Variants in NCK2 observed in about 807,000 individuals in gnomAD.
NCK2 encodes the protein NCK adaptor protein 2.
In NCK2, 16 loss-of-function variants were observed where a neutral mutation model predicts 33.9. The ratio of observed to expected loss-of-function variants is 0.47; its 90% CI spans 0.32 to 0.72. The LOEUF (loss-of-function observed/expected upper bound fraction) is 0.72. Among genes scored for constraint, NCK2 ranks in the 30% least tolerant of loss-of-function variants. NCK2 has a pLI of 0.03. For missense variants in NCK2, 418 were observed against 537.3 expected (o/e 0.78, Z 2.19); for synonymous variants, 273 against 239.9 (o/e 1.14, Z -1.27).
intron 2 of NCK2, among the ~76,000 whole-genome samples, chr2:105,824,961 A>G (rs1256700675): frequency 6.6e-6 from 1 of 152,212 alleles, no homozygotes; most frequent in Non-Finnish European, 1.5e-5. Flanking sequence ...AGGAAAGAGC[A>G]TCAGGGATTC....
intron 1 of NCK2, among the ~76,000 whole-genome samples, chr2:105,777,732 A>T (rs894807764): frequency 6.6e-6 from 1 of 152,088 alleles, no homozygotes; most frequent in Non-Finnish European, 1.5e-5. Context: ...TCTCTGGTGC[A>T]TATGTTGTGG....
rs59005322 is a variant in NCK2, at chr2:105,880,936, ATTTTTTTTTTTTTTTTTTT to A, written c.227-378_227-360del. Among the ~76,000 whole-genome samples the A allele has an allele frequency of 8.3e-3, 855 of 103,598 alleles. 11 individuals carry two copies. Among genetic ancestry groups the A allele is most frequent in the African/African-American group, 0.028 (819 of 28,822 alleles). The allele number at this position is 103,598 out of a possible 152,430, so 68.0% of individuals were successfully genotyped here. ...CACAGATGTGCACCACAGGTGGCTA[ATTTTTTTTTTTTTTTTTTT>A]TTTTTTTTTTTTTGCAGACACGGTC... is the stretch of plus-strand genomic sequence containing the variant. On this transcript the variant is annotated intron_variant, in intron 3 of 4. Transcript: ENST00000233154.
chr2:105,813,068 C>T (rs780951875), intron 1 of NCK2, among the ~76,000 whole-genome samples: 2 of 152,202 alleles, frequency 1.3e-5, no homozygotes, highest in African/African-American at 4.8e-5. Context: ...AGAAGGAGCA[C>T]TCTGGCTTTA....
At chr2:105,872,227 G>A (rs1025620192) in intron 3 of NCK2, among the ~76,000 whole-genome samples, 1 of 152,138 alleles carries the variant, frequency 6.6e-6, no homozygotes, top group African/African-American at 2.4e-5. Flanking sequence ...CTGCAGCTAC[G>A]GGATCAGCTG....
rs534161786 is a variant in NCK2, at chr2:105,811,659, A to T, written c.-200-4771A>T. 8.8e-4 allele frequency among the ~76,000 whole-genome samples: 134 copies of T among 152,304 alleles called. 1 individual carries two copies. The highest frequency in any genetic ancestry group is 2.1e-3 in the Admixed American group (32 of 15,306). On this transcript the variant is annotated intron_variant, in intron 1 of 4. Coordinates refer to ENST00000233154, the MANE Select transcript of NCK2 (RefSeq NM_003581.5). ...GGATGCCAGGTGGAGGTCCTTTGTCAGGGAGTGTGTTCAGTGAAAATGCTA... is the reference window on the plus strand; with the variant it reads ...GGATGCCAGGTGGAGGTCCTTTGTCTGGGAGTGTGTTCAGTGAAAATGCTA...
intron 2 of NCK2, among the ~76,000 whole-genome samples, chr2:105,826,442 G>T (rs1675947144): frequency 6.6e-6 from 1 of 152,152 alleles, no homozygotes. Flanking sequence ...CAGGTAGTTT[G>T]CTTGTAGTGT....
chr2:105,837,115 C>A (rs1676463694), intron 2 of NCK2, among the ~76,000 whole-genome samples: 1 of 152,152 alleles, frequency 6.6e-6, no homozygotes, highest in Admixed American at 6.5e-5. Context: ...GAGCTTCTGT[C>A]CCTCGGAGGG....
At chr2:105,748,390 T>G (rs892527364) in intron 1 of NCK2, among the ~76,000 whole-genome samples, 3 of 152,110 alleles carry the variant, frequency 2.0e-5, no homozygotes, top group African/African-American at 7.2e-5. Flanking sequence ...GCAGTTGTTT[T>G]TTTTCTTTTT....
intron 1 of NCK2, among the ~76,000 whole-genome samples, chr2:105,797,518 C>G (rs1691123452): frequency 6.6e-6 from 1 of 152,214 alleles, no homozygotes; most frequent in African/African-American, 2.4e-5. Flanking sequence ...CTTAAATTCT[C>G]TGCACCCATG....
intron 3 of NCK2, among the ~76,000 whole-genome samples, chr2:105,879,627 A>G (rs150916081): frequency 2.9e-3 from 437 of 152,370 alleles, no homozygotes; most frequent in Non-Finnish European, 4.7e-3. Context: ...GAATCAGTGT[A>G]TTTGCTCTGA....
chr2:105,847,892 T>TGGGAGCATTAA (rs1340748674), intron 2 of NCK2, among the ~76,000 whole-genome samples: 12 of 152,266 alleles, frequency 7.9e-5, no homozygotes, highest in African/African-American at 1.2e-4. Flanking sequence ...TTAGCCACAC[T>TGGGAGCATTAA]GGGAGCATTA....
In NCK2 at chr2:105,854,747, G is replaced by A. The variant is rs571877325; in HGVS notation, c.-16-301G>A. 1.5e-4 allele frequency: 38 copies of A among 259,960 alleles called. No homozygotes were observed. The South Asian group carries it at 1.9e-3, about 13-fold the overall frequency. The allele number at this position is 259,960 out of a possible 1,614,324, so 16.1% of individuals were successfully genotyped here. A position where few individuals can be genotyped will look rare whatever the true frequency, so the allele number is the denominator to read the frequency against. Reference sequence around the variant, plus strand: ...GGAGGCAGTGTTACTTAATGAAATGGACTCATTTAATTATAATGTTATTTA... The same window carrying A: ...GGAGGCAGTGTTACTTAATGAAATGAACTCATTTAATTATAATGTTATTTA... On this transcript the variant is annotated intron_variant, in intron 2 of 4. Coordinates refer to ENST00000233154, the MANE Select transcript of NCK2 (RefSeq NM_003581.5).
intron 4 of NCK2, among the ~76,000 whole-genome samples, chr2:105,883,493 G>A (rs1678592495): frequency 1.3e-5 from 2 of 152,148 alleles, no homozygotes; most frequent in Non-Finnish European, 2.9e-5. Context: ...CTGCAGTGTG[G>A]AGACATTGGT....
intron 1 of NCK2, among the ~76,000 whole-genome samples, chr2:105,804,122 A>C (rs892369360): frequency 6.6e-6 from 1 of 152,186 alleles, no homozygotes; most frequent in Non-Finnish European, 1.5e-5. Flanking sequence ...AGGATTTACT[A>C]ATTTCAAGGG....
At chr2:105,808,109 G>A (rs1212026048) in intron 1 of NCK2, among the ~76,000 whole-genome samples, 1 of 152,040 alleles carries the variant, frequency 6.6e-6, no homozygotes, top group Non-Finnish European at 1.5e-5. Flanking sequence ...CACCATGTTG[G>A]CCAGGATGGT....
chr2:105,863,978 G>T (rs1030837276), intron 3 of NCK2, among the ~76,000 whole-genome samples: 2 of 146,032 alleles, frequency 1.4e-5, no homozygotes, highest in Non-Finnish European at 3.1e-5. Context: ...GCGAGGGGGG[G>T]TGGGGTCTCA....
intron 1 of NCK2, among the ~76,000 whole-genome samples, chr2:105,747,445 G>T (rs1689322392): frequency 6.6e-6 from 1 of 152,184 alleles, no homozygotes; most frequent in Non-Finnish European, 1.5e-5. Flanking sequence ...AGACCAGGCT[G>T]CGAGGCTCTA....
At chr2:105,842,750 C>T (rs1282514992) in intron 2 of NCK2, among the ~76,000 whole-genome samples, 1 of 152,158 alleles carries the variant, frequency 6.6e-6, no homozygotes, top group East Asian at 1.9e-4. Context: ...CTCTGGGAGG[C>T]CTGACTGGGT....
chr2:105,873,777 G>T (rs964627860), intron 3 of NCK2, among the ~76,000 whole-genome samples: 1 of 152,190 alleles, frequency 6.6e-6, no homozygotes, highest in African/African-American at 2.4e-5. Flanking sequence ...GGATCCAGGG[G>T]TGCAACTCTT....
Sources: gnomAD v4.1 joint callset for allele counts (sites outside exome capture counted in the v4.1 genomes callset) on GRCh38, gnomAD v4.1.1 for gene constraint, MANE v1.5 for transcripts, NCBI Gene and HGNC (gene_info 2026-07-23, HGNC 2026-07-21) for gene names.